Variants in RUNDC3B observed in about 807,000 individuals in gnomAD.
RUNDC3B encodes RUN domain containing 3B.
In RUNDC3B, 33 loss-of-function variants were observed where a neutral mutation model predicts 58.4. The ratio of observed to expected loss-of-function variants is 0.56; its 90% CI spans 0.43 to 0.75. The LOEUF is 0.75. RUNDC3B is among the 30% of genes least tolerant of loss of function. RUNDC3B has a pLI of 0.00. For missense variants in RUNDC3B, 501 were observed against 535.7 expected, an observed-to-expected ratio of 0.94 and a Z score of 0.64; for synonymous variants, 193 against 195.2, an observed-to-expected ratio of 0.99 and a Z score of 0.10.
At chr7:87,750,463 C>T (rs1409700050) in intron 6 of RUNDC3B, among the ~76,000 whole-genome samples, 2 of 151,690 alleles carry the variant, frequency 1.3e-5, no homozygotes, top group Non-Finnish European at 3.0e-5. Context: ...CACTGACTTC[C>T]ACAATGGTTG....
chr7:87,697,029 C>A (rs568916171), intron 2 of RUNDC3B, among the ~76,000 whole-genome samples: 4 of 152,026 alleles, frequency 2.6e-5, no homozygotes, highest in Admixed American at 2.0e-4. Context: ...TTTGAAACAT[C>A]CTACAAGTTA....
intron 4 of RUNDC3B, among the ~76,000 whole-genome samples, chr7:87,736,875 ATATATATATATATATTTTTTTTTTT>A (rs1434732363): frequency 2.2e-4 from 8 of 36,370 alleles, no homozygotes; most frequent in African/African-American, 1.1e-3. Flanking sequence ...ATATATATAT[ATATATATATATATATTTTTTTTTTT>A]TTTTTTTTTT....
At chr7:87,729,603 C>T (rs1289394809) in intron 4 of RUNDC3B, among the ~76,000 whole-genome samples, 1 of 152,156 alleles carries the variant, frequency 6.6e-6, no homozygotes, top group Non-Finnish European at 1.5e-5. Flanking sequence ...CCAGTATGGG[C>T]TAAAGTTCTT....
chr7:87,824,471 T>A (rs1013566350), intron 10 of RUNDC3B, among the ~76,000 whole-genome samples: 1 of 152,192 alleles, frequency 6.6e-6, no homozygotes, highest in Non-Finnish European at 1.5e-5. Context: ...AACCTCTTTT[T>A]TTCACAAATT....
intron 8 of RUNDC3B, among the ~76,000 whole-genome samples, chr7:87,798,283 CCT>C (rs1326712404): frequency 6.6e-6 from 1 of 152,054 alleles, no homozygotes; most frequent in Admixed American, 6.6e-5. Flanking sequence ...TTATTGTTTT[CCT>C]CTGTGTTCTA....
intron 4 of RUNDC3B, among the ~76,000 whole-genome samples, chr7:87,734,012 G>A (rs1035925242): frequency 6.6e-5 from 10 of 152,160 alleles, no homozygotes; most frequent in African/African-American, 2.2e-4. Context: ...TCTCCAAGGG[G>A]GGTATACAGA....
chr7:87,684,915 A>C (rs546972106), intron 2 of RUNDC3B, among the ~76,000 whole-genome samples: 1 of 152,164 alleles, frequency 6.6e-6, no homozygotes, highest in African/African-American at 2.4e-5. Context: ...GTGTGCAAAA[A>C]AAAAGTGAAC....
chr7:87,796,278 A>G (rs1015096092), intron 8 of RUNDC3B, among the ~76,000 whole-genome samples: 2 of 152,104 alleles, frequency 1.3e-5, no homozygotes, highest in Non-Finnish European at 2.9e-5. Flanking sequence ...TAATGGACAT[A>G]GGGAGTAGGA....
At chr7:87,729,512 C>T (rs949827348) in intron 4 of RUNDC3B, among the ~76,000 whole-genome samples, 2 of 152,184 alleles carry the variant, frequency 1.3e-5, no homozygotes, top group African/African-American at 4.8e-5. Context: ...ATAACTCAGC[C>T]AGTGCCTACA....
rs1274316235 is a variant in RUNDC3B at position 87,756,314 on chromosome 7, C to T, written c.630-14267C>T. On this transcript the variant is annotated intron_variant, in intron 6 of 10. Transcript: ENST00000394654. ...AATCTTTCTTTATTCATAGAAAGTCCTGTTAAGATATTTTTATTTATATAA... is the reference window on the plus strand; with the variant it reads ...AATCTTTCTTTATTCATAGAAAGTCTTGTTAAGATATTTTTATTTATATAA... 7.3e-5 allele frequency among the ~76,000 whole-genome samples: 11 copies of T among 151,616 alleles called. No individual in the cohort carries two copies. The East Asian group carries it at 2.1e-3, about 29-fold the overall frequency.
At chr7:87,731,305 G>C (rs535527134) in intron 4 of RUNDC3B, among the ~76,000 whole-genome samples, 1 of 152,020 alleles carries the variant, frequency 6.6e-6, no homozygotes, top group African/African-American at 2.4e-5. Flanking sequence ...ATAAATTAAG[G>C]CTTATCACAA....
chr7:87,773,789 T>C (rs1834452396), intron 7 of RUNDC3B, among the ~76,000 whole-genome samples: 1 of 152,126 alleles, frequency 6.6e-6, no homozygotes, highest in African/African-American at 2.4e-5. Flanking sequence ...GTGATTCTCC[T>C]GCCTCAGCCT....
intron 4 of RUNDC3B, chr7:87,713,096 A>T (rs1161307614): frequency 6.6e-6 from 1 of 152,184 alleles, no homozygotes; most frequent in Non-Finnish European, 1.5e-5. Flanking sequence ...TCTAGTCAAG[A>T]CAAATATATT....
At chr7:87,751,010 T>C (rs1369436702) in intron 6 of RUNDC3B, among the ~76,000 whole-genome samples, 2 of 152,244 alleles carry the variant, frequency 1.3e-5, no homozygotes, top group Non-Finnish European at 2.9e-5. Context: ...TTTATAGTTT[T>C]AGGTCTAACG....
In RUNDC3B at chr7:87,791,684, G is replaced by C. The variant is rs562261967; in HGVS notation, c.956+13729G>C. 2.6e-5 allele frequency among the ~76,000 whole-genome samples: 4 copies of C among 152,008 alleles called. No homozygotes were observed. The South Asian group carries it at 8.3e-4, about 32-fold the overall frequency. ...GTTATAAGACAGAATTTGGAAGCCT[G>C]ATGGTAACTACAAATTGAAAAACAT... On this transcript the variant is annotated intron_variant, in intron 8 of 10. Coordinates refer to ENST00000394654, the MANE Select transcript of RUNDC3B (RefSeq NM_001134405.2).
At chr7:87,648,158 C>G (rs1823212403) in intron 1 of RUNDC3B, among the ~76,000 whole-genome samples, 1 of 143,794 alleles carries the variant, frequency 7.0e-6, no homozygotes. Context: ...GCACTCCAGC[C>G]TGGGTGACAG....
At chr7:87,721,521 G>A (rs577032569) in intron 4 of RUNDC3B, among the ~76,000 whole-genome samples, 5 of 152,162 alleles carry the variant, frequency 3.3e-5, no homozygotes, top group African/African-American at 1.2e-4. Flanking sequence ...TAAATAATAT[G>A]ATCACCCTGA....
At chr7:87,677,274 A>AAC (rs57009840) in intron 2 of RUNDC3B, among the ~76,000 whole-genome samples, 8,101 of 135,788 alleles carry the variant, frequency 0.06, 257 homozygotes, top group South Asian at 0.1. Flanking sequence ...CAGTGTATAT[A>AAC]ACACACACAC....
At chr7:87,658,653 A>G (rs1448929179) in intron 2 of RUNDC3B, among the ~76,000 whole-genome samples, 2 of 152,202 alleles carry the variant, frequency 1.3e-5, no homozygotes, top group Non-Finnish European at 2.9e-5. Context: ...CAACTTGCCT[A>G]CAAGTAAGCA....
Sources: gnomAD v4.1 joint callset for allele counts (sites outside exome capture counted in the v4.1 genomes callset) on GRCh38, gnomAD v4.1.1 for gene constraint, MANE v1.5 for transcripts, NCBI Gene and HGNC (gene_info 2026-07-23, HGNC 2026-07-21) for gene names.